The following RAD51B variants were observed in gnomAD, a reference collection of about 807,000 sequenced individuals.
RAD51B encodes the protein RAD51 paralog B.
In RAD51B, 38 loss-of-function variants were observed where a neutral mutation model predicts 42.2. That is an observed-to-expected ratio of 0.90 (90% CI 0.70 to 1.18). The LOEUF (loss-of-function observed/expected upper bound fraction) is 1.18. Ranked by LOEUF, RAD51B falls within the 50% of genes most tolerant of loss-of-function variation. RAD51B has a pLI of 0.00. For missense variants in RAD51B, 373 were observed against 400.7 expected (o/e 0.93, Z 0.59); for synonymous variants, 154 against 145.2 (o/e 1.06, Z -0.43).
chr14:68,589,397 CAT>C (rs1418758649), intron 10 of RAD51B, among the ~76,000 whole-genome samples: 6 of 152,194 alleles, frequency 3.9e-5, no homozygotes, highest in African/African-American at 1.4e-4. Context: ...GGAGTTGAGA[CAT>C]GTGGCTCACC....
intron 4 of RAD51B, among the ~76,000 whole-genome samples, chr14:67,849,430 C>T (rs529146696): frequency 2.6e-5 from 4 of 152,152 alleles, no homozygotes; most frequent in East Asian, 3.9e-4. Flanking sequence ...TACAGGCATG[C>T]GCCACCACAC....
intron 7 of RAD51B, among the ~76,000 whole-genome samples, chr14:68,038,921 T>C (rs1193351348): frequency 6.6e-6 from 1 of 152,218 alleles, no homozygotes; most frequent in Non-Finnish European, 1.5e-5. Context: ...CTTGTATCTG[T>C]ATTGGAAATA....
chr14:68,156,209 T>A (rs1293647988), intron 7 of RAD51B, among the ~76,000 whole-genome samples: 1 of 152,200 alleles, frequency 6.6e-6, no homozygotes, highest in Non-Finnish European at 1.5e-5. Context: ...ATGTCATCAC[T>A]TTTTTTGTGT....
chr14:68,280,326 T>A (rs2081297280), intron 7 of RAD51B, among the ~76,000 whole-genome samples: 1 of 152,248 alleles, frequency 6.6e-6, no homozygotes, highest in Non-Finnish European at 1.5e-5. Flanking sequence ...GAATGCCTTA[T>A]TCTGAGGAAA....
intron 7 of RAD51B, among the ~76,000 whole-genome samples, chr14:67,948,715 A>G (rs1246140371): frequency 1.3e-5 from 2 of 151,852 alleles, no homozygotes; most frequent in African/African-American, 2.4e-5. Context: ...GCAGATCACA[A>G]GGTCAGGAGA....
chr14:68,010,470 CA>C (rs1234521521), intron 7 of RAD51B, among the ~76,000 whole-genome samples: 2 of 151,726 alleles, frequency 1.3e-5, no homozygotes, highest in Non-Finnish European at 3.0e-5. Flanking sequence ...GGTCCTGTAT[CA>C]TTTATTCATT....
intron 9 of RAD51B, among the ~76,000 whole-genome samples, chr14:68,417,372 AG>A (rs1882221112): frequency 6.6e-6 from 1 of 152,220 alleles, no homozygotes; most frequent in Non-Finnish European, 1.5e-5. Flanking sequence ...GAAATAGCAA[AG>A]GGAACATAAA....
intron 4 of RAD51B, among the ~76,000 whole-genome samples, chr14:67,862,783 A>G (rs1394499358): frequency 6.6e-6 from 1 of 152,214 alleles, no homozygotes; most frequent in Non-Finnish European, 1.5e-5. Context: ...TCATTGCTCT[A>G]CTTAAAATGG....
intron 7 of RAD51B, among the ~76,000 whole-genome samples, chr14:68,044,747 C>T (rs1254084526): frequency 2.0e-5 from 3 of 151,868 alleles, no homozygotes; most frequent in Admixed American, 6.6e-5. Flanking sequence ...TCTTTGCTTG[C>T]CCCCGCCCCC....
intron 7 of RAD51B, among the ~76,000 whole-genome samples, chr14:68,082,509 G>A (rs1051874493): frequency 5.9e-5 from 9 of 151,782 alleles, no homozygotes; most frequent in African/African-American, 2.2e-4. Flanking sequence ...ATGTATGTAT[G>A]TATGTATATG....
At chr14:68,059,073 CT>C (rs1752659750) in intron 7 of RAD51B, among the ~76,000 whole-genome samples, 1 of 152,140 alleles carries the variant, frequency 6.6e-6, no homozygotes, top group Admixed American at 6.6e-5. Context: ...CTAGTGTCCT[CT>C]TCCAGCAAGC....
chr14:68,160,827 C>A (rs1341343005), intron 7 of RAD51B, among the ~76,000 whole-genome samples: 1 of 152,162 alleles, frequency 6.6e-6, no homozygotes, highest in East Asian at 1.9e-4. Flanking sequence ...CACTTACAAA[C>A]AATGGTGGCA....
intron 8 of RAD51B, among the ~76,000 whole-genome samples, chr14:68,349,248 T>C (rs1566825130): frequency 6.6e-6 from 1 of 152,146 alleles, no homozygotes; most frequent in Admixed American, 6.5e-5. Context: ...ATTGGCTGAG[T>C]GTCATTGTAA....
At chr14:68,090,917 G>A (rs935424449) in intron 7 of RAD51B, among the ~76,000 whole-genome samples, 4 of 132,034 alleles carry the variant, frequency 3.0e-5, no homozygotes, top group Admixed American at 1.9e-4. Context: ...TGTTCTCATT[G>A]TTCAATTCCC....
intron 5 of RAD51B, among the ~76,000 whole-genome samples, chr14:67,878,802 C>T (rs146867014): frequency 9.9e-5 from 15 of 152,078 alleles, no homozygotes; most frequent in African/African-American, 2.9e-4. Context: ...TGGGTTCAAG[C>T]GATTCTCCTT....
At chr14:68,096,806 A>C (rs1342713437) in intron 7 of RAD51B, among the ~76,000 whole-genome samples, 2 of 151,828 alleles carry the variant, frequency 1.3e-5, no homozygotes, top group Non-Finnish European at 2.9e-5. Flanking sequence ...AATAAATGAT[A>C]TGTGTGTGTG....
intron 8 of RAD51B, among the ~76,000 whole-genome samples, chr14:68,363,611 GT>G (rs1481950624): frequency 1.3e-5 from 2 of 152,122 alleles, no homozygotes; most frequent in Admixed American, 6.5e-5. Context: ...CTTCTTCCCT[GT>G]TTTTGTTTGC....
Position 68,244,335 on chromosome 14 carries a change from C to T in RAD51B, c.757-47549C>T, listed in dbSNP as rs149819104. Among the ~76,000 whole-genome samples, 451 of 152,264 alleles carry T rather than the reference C, an allele frequency of 3.0e-3. 4 individuals are homozygous for T. Among genetic ancestry groups the T allele is most frequent in the African/African-American group, 0.01 (428 of 41,546 alleles). On this transcript the variant is annotated intron_variant, in intron 7 of 10. Transcript: ENST00000471583. ...CTGTATTTGGGAGTGGTAAAGAATACGCCCAAGAACTTGGAACAGATAAAG... is the reference window on the plus strand; with the variant it reads ...CTGTATTTGGGAGTGGTAAAGAATATGCCCAAGAACTTGGAACAGATAAAG...
rs182588614 is a variant in RAD51B, at chr14:68,244,592, T to C, written c.757-47292T>C. On this transcript the variant is annotated intron_variant, in intron 7 of 10. Transcript: ENST00000471583. ...ATTGTTAGAGAATAATTAGAGTGAA[T>C]GAAACAGTGGGTAGGGGTTAACAAC... Among the ~76,000 whole-genome samples, 4 of 152,320 alleles carry C rather than the reference T, an allele frequency of 2.6e-5. No individual in the cohort carries two copies. In the East Asian group the frequency reaches 7.7e-4, roughly 29 times the overall value.
Sources: gnomAD v4.1 joint callset for allele counts (sites outside exome capture counted in the v4.1 genomes callset) on GRCh38, gnomAD v4.1.1 for gene constraint, MANE v1.5 for transcripts, NCBI Gene and HGNC (gene_info 2026-07-23, HGNC 2026-07-21) for gene names.